The following ADGRV1 variants were observed in gnomAD, a reference collection of about 807,000 sequenced individuals.
ADGRV1 encodes the protein G-protein coupled receptor 98.
In ADGRV1, 359 loss-of-function variants were observed where a neutral mutation model predicts 596.2. The ratio of observed to expected loss-of-function variants is 0.60; its 90% confidence interval spans 0.55 to 0.66. The LOEUF (loss-of-function observed/expected upper bound fraction) is 0.66. Among genes scored for constraint, ADGRV1 ranks in the 30% least tolerant of loss-of-function variants. The probability of loss-of-function intolerance (pLI) is 0.00; values close to 1 mark genes in which losing one functional copy is unlikely to be tolerated. For synonymous variants in ADGRV1, 2,681 were observed against 2,679.2 expected (o/e 1.00, Z -0.02); for missense variants, 7,274 against 7,575.6 (o/e 0.96, Z 1.48).
chr5:90,763,147 G>C (rs1756688310), intron 58 of ADGRV1, 158 bp from the exon 59 acceptor site: 1 of 567,092 alleles, frequency 1.8e-6, no homozygotes, highest in Non-Finnish European at 2.9e-6. Context: ...ATAGAAAGTG[G>C]GATTTGGTAA....
chr5:90,661,242 C>G (rs1770244520), intron 21 of ADGRV1, among the ~76,000 whole-genome samples: 2 of 152,122 alleles, frequency 1.3e-5, no homozygotes, highest in Admixed American at 1.3e-4. Flanking sequence ...AATGAAGTTG[C>G]TTTCATAGTG....
At chr5:90,746,285 G>T (rs1754620674) in intron 52 of ADGRV1, among the ~76,000 whole-genome samples, 1 of 151,970 alleles carries the variant, frequency 6.6e-6, no homozygotes. Context: ...TTATATGTAT[G>T]TTGGACATGT....
At chr5:90,943,353 C>T (rs1776316079) in intron 83 of ADGRV1, among the ~76,000 whole-genome samples, 1 of 152,122 alleles carries the variant, frequency 6.6e-6, no homozygotes, top group Non-Finnish European at 1.5e-5. Context: ...AATTTTGCTA[C>T]TTCCTGGCCT....
At chr5:90,947,903 C>T (rs1776731118) in intron 83 of ADGRV1, among the ~76,000 whole-genome samples, 1 of 152,048 alleles carries the variant, frequency 6.6e-6, no homozygotes, top group African/African-American at 2.4e-5. Context: ...TTATAAAATG[C>T]AGATGAGTTT....
Position 90,617,916 on chromosome 5 carries a change from A to G in ADGRV1, c.320A>G (p.Glu107Gly). The change falls in exon 3 of 90, where the codon GAG (glutamate) becomes GGG (glycine). Residue 107 changes from glutamate (E) to glycine (G), a missense_variant. By Grantham distance (98) the Glu-to-Gly change is moderately conservative. Coordinates refer to ENST00000405460, the MANE Select transcript of ADGRV1 (RefSeq NM_032119.4). The stretch of plus-strand genomic sequence containing the variant: ...GCAGTATGTGATGATGACTTACCAG[A>G]GCCTGACGAAACTTTTATTTTTCAC... ...YIAVCDDDLPEPDETFIFHLT... is the reference protein window; with the variant it reads ...YIAVCDDDLPGPDETFIFHLT... 6.3e-7 allele frequency: 1 copy of G among 1,588,766 alleles called. No individual in the cohort carries two copies. The highest frequency in any genetic ancestry group is 8.6e-7 in the Non-Finnish European group (1 of 1,166,128).
Position 90,642,723 on chromosome 5 carries a change from T to G in ADGRV1, c.2328T>G (p.Phe776Leu), listed in dbSNP as rs1351281053. ...ILENDDPGGV[F>L]EFSPASRGPY... is the part of the protein sequence containing the mutation. ...AAAATGATGACCCTGGGGGAGTTTTTGAATTTTCTCCTGCTTCCAGAGGAC... is the reference window on the plus strand; with the variant it reads ...AAAATGATGACCCTGGGGGAGTTTTGGAATTTTCTCCTGCTTCCAGAGGAC... Residue 776 changes from phenylalanine (F) to leucine (L), a missense_variant, in exon 12 of 90, where the codon TTT becomes TTG. Physicochemically the swap from Phe to Leu is conservative, Grantham distance 22. Around this residue, in one of 5 missense-constraint regions of ADGRV1, gnomAD observed 1,715 missense variants for 1,708.8 expected, o/e 1.00. Transcript: ENST00000405460. The G allele has an allele frequency of 6.8e-6, 11 of 1,613,494 alleles. No homozygotes were observed. The highest frequency in any genetic ancestry group is 8.5e-6 in the Non-Finnish European group (10 of 1,179,632).
chr5:90,799,160 T>C (rs1409564827), intron 70 of ADGRV1, among the ~76,000 whole-genome samples: 2 of 152,206 alleles, frequency 1.3e-5, no homozygotes, highest in Non-Finnish European at 2.9e-5. Context: ...GATGACATGA[T>C]TGTATATTTA....
At chr5:90,561,830 C>T (rs1318788570) in intron 1 of ADGRV1, among the ~76,000 whole-genome samples, 1 of 152,096 alleles carries the variant, frequency 6.6e-6, no homozygotes, top group East Asian at 1.9e-4. Flanking sequence ...CAGTGTGTTA[C>T]CATGGAGAGA....
intron 85 of ADGRV1, among the ~76,000 whole-genome samples, chr5:91,056,371 T>C (rs1562153667): frequency 2.0e-5 from 3 of 152,234 alleles, no homozygotes; most frequent in Middle Eastern, 3.4e-3. Context: ...GGGAAGTGCT[T>C]TGGAGCTCGG....
At chr5:90,781,396 T>C in intron 64 of ADGRV1, 34 bp from the exon 65 acceptor site, 1 of 1,492,232 alleles carries the variant, frequency 6.7e-7, no homozygotes, top group Non-Finnish European at 9.2e-7. Flanking sequence ...TGTTGTTGTA[T>C]TTTATTTTAT....
At position 91,042,931 on chromosome 5, in the gene ADGRV1, GT is replaced by G. The variant is rs145372822; in HGVS notation, c.18153-29506del. Among the ~76,000 whole-genome samples the G allele has an allele frequency of 1.2e-4, 18 of 148,486 alleles. No homozygotes were observed. In the Middle Eastern group the frequency reaches 0.01, roughly 85 times the overall value. On this transcript the variant is annotated intron_variant, in intron 85 of 89. Transcript: ENST00000405460. ...GATCCTTAAAACTTAATTTCTGGGT[GT>G]TTTTTTTTTCCTTCACAAGAGAACA...
chr5:90,754,601 T>A (rs780883280), intron 54 of ADGRV1, among the ~76,000 whole-genome samples: 8 of 152,182 alleles, frequency 5.3e-5, no homozygotes, highest in Non-Finnish European at 8.8e-5. Flanking sequence ...GTATATATAA[T>A]TTTTCATTTT....
intron 9 of ADGRV1, among the ~76,000 whole-genome samples, chr5:90,634,003 T>G (rs1009577857): frequency 6.6e-6 from 1 of 152,202 alleles, no homozygotes; most frequent in African/African-American, 2.4e-5. Context: ...GGTCTACTGG[T>G]GATTACTTAG....
At chr5:90,737,958 C>G (rs1374229494) in intron 50 of ADGRV1, among the ~76,000 whole-genome samples, 1 of 151,696 alleles carries the variant, frequency 6.6e-6, no homozygotes, top group Non-Finnish European at 1.5e-5. Context: ...TGCTACTGCC[C>G]TTTCATTATT....
At chr5:90,573,097 A>G (rs1392017377) in intron 1 of ADGRV1, among the ~76,000 whole-genome samples, 2 of 145,522 alleles carry the variant, frequency 1.4e-5, no homozygotes, top group African/African-American at 2.5e-5. Context: ...GTGAGGAAAC[A>G]CAATAAAGTA....
At chr5:90,790,847 T>G in intron 69 of ADGRV1, 26 bp from the exon 70 acceptor site, 1 of 1,470,494 alleles carries the variant, frequency 6.8e-7, no homozygotes, top group African/African-American at 1.4e-5. Flanking sequence ...TATATAACTT[T>G]GTTGAGTTTT....
intron 85 of ADGRV1, chr5:91,031,216 C>T: frequency 6.3e-7 from 1 of 1,581,254 alleles, no homozygotes; most frequent in South Asian, 1.1e-5. Context: ...GGAGTGTGTC[C>T]ATGTGGTTCC....
intron 21 of ADGRV1, among the ~76,000 whole-genome samples, chr5:90,663,311 G>C (rs1284215442): frequency 7.4e-5 from 11 of 149,616 alleles, no homozygotes; most frequent in African/African-American, 1.5e-4. Flanking sequence ...ATTCTAACTG[G>C]TGTGAGATGG....
intron 59 of ADGRV1, among the ~76,000 whole-genome samples, chr5:90,773,557 T>C (rs1212581679): frequency 6.6e-6 from 1 of 152,104 alleles, no homozygotes; most frequent in Admixed American, 6.5e-5. Context: ...GGAACTGATA[T>C]GAGTAAAGAT....
Sources: allele counts gnomAD v4.1 joint callset (sites outside exome capture counted in the v4.1 genomes callset), GRCh38; gene constraint gnomAD v4.1.1; regional missense constraint gnomAD v4.1.1; transcripts MANE v1.5; gene names NCBI Gene and HGNC (gene_info 2026-07-23, HGNC 2026-07-21).